The following ELFN2 variants were observed in gnomAD, a reference collection of about 807,000 sequenced individuals.
ELFN2 encodes extracellular leucine rich repeat and fibronectin type III domain containing 2.
ELFN2 carries 17 observed loss-of-function variants against 45.5 expected under a neutral mutation model. The observed-to-expected ratio is 0.37, with a 90% CI of 0.26 to 0.56. The LOEUF (loss-of-function observed/expected upper bound fraction) is 0.56. Ranked by LOEUF, ELFN2 falls within the 20% of genes least tolerant of loss-of-function variation. ELFN2 has a pLI of 0.77. For synonymous variants in ELFN2, 550 were observed against 551.5 expected (o/e 1.00, Z 0.04); for missense variants, 922 against 1,183.2 (o/e 0.78, Z 3.24).
chr22:37,344,555 C>G, intron 1 of ELFN2, among the ~76,000 whole-genome samples: 1 of 152,038 alleles, frequency 6.6e-6, no homozygotes, highest in Non-Finnish European at 1.5e-5. Flanking sequence ...GTGCCAGCCT[C>G]GAGTCTTGGG....
Position 37,375,840 on chromosome 22 carries a change from CCT to C in ELFN2, c.-308_-307del. 7 of 381,954 alleles carry C rather than the reference CCT, an allele frequency of 1.8e-5. No individual in the cohort carries two copies. The highest frequency in any genetic ancestry group is 4.4e-5 in the South Asian group (1 of 22,786). The allele number at this position is 381,954 out of a possible 1,614,324, so 23.7% of individuals were successfully genotyped here. On this transcript the variant is annotated 5_prime_UTR_variant, in exon 3 of 3. Transcript: ENST00000402918. ...TCTCAGGGCTTGACTTCCTCTCCCTCCTCCTCCTCCTCCTCCTCCTCCTCCTC... is the reference window on the plus strand; with the variant it reads ...TCTCAGGGCTTGACTTCCTCTCCCTCCCTCCTCCTCCTCCTCCTCCTCCTC...
In ELFN2 at chr22:37,427,291, C is replaced by CACTT. The variant is rs1367874062; in HGVS notation, c.-614+3_-614+6dup. On this transcript the variant is annotated splice_region_variant and intron_variant, in intron 1 of 2. Coordinates refer to ENST00000402918, the MANE Select transcript of ELFN2 (RefSeq NM_052906.5). ...CGCGGCGCTCGGATCCAGAGGAATT[C>CACTT]ACTTACCCCAGCCCCAGCCGGGATC... is the stretch of plus-strand genomic sequence containing the variant. 1 of 152,372 alleles carries CACTT rather than the reference C, an allele frequency of 6.6e-6. No individual in the cohort carries two copies. Among genetic ancestry groups the CACTT allele is most frequent in the African/African-American group, 2.4e-5 (1 of 41,418 alleles). 9.4% of individuals were successfully genotyped at this position (152,372 alleles called of 1,614,324 possible).
chr22:37,423,204 G>A (rs1932823341), intron 1 of ELFN2, among the ~76,000 whole-genome samples: 1 of 152,192 alleles, frequency 6.6e-6, no homozygotes, highest in African/African-American at 2.4e-5. Flanking sequence ...GGCTGCCTTT[G>A]GGGGTGTCCC....
At chr22:37,342,080 C>T (rs1930571425) in intron 2 of ELFN2, among the ~76,000 whole-genome samples, 1 of 152,160 alleles carries the variant, frequency 6.6e-6, no homozygotes, top group Non-Finnish European at 1.5e-5. Context: ...TGCCTCCCAA[C>T]AACCGCCACA....
chr22:37,373,775 G>A lies in ELFN2; in HGVS notation c.1760C>T (p.Ala587Val). 3 of 1,589,630 alleles carry A rather than the reference G, an allele frequency of 1.9e-6. No homozygotes were observed. Among genetic ancestry groups the A allele is most frequent in the Non-Finnish European group, 1.7e-6 (2 of 1,172,498 alleles). The change falls in exon 3 of 3, where the codon GCC (alanine) becomes GTC (valine). Residue 587 changes from alanine to valine, a missense_variant. Coordinates refer to ENST00000402918, the MANE Select transcript of ELFN2 (RefSeq NM_052906.5). ...GGCCCCGGGGCCAGTGGCTGAGGAG[G>A]CGGCAGCAGCTGCAGGGAGGGACTG... ...ECQSLPAAAA[A>V]SSATGPGALE...
intron 2 of ELFN2, among the ~76,000 whole-genome samples, chr22:37,385,638 G>C (rs1931927671): frequency 6.6e-6 from 1 of 152,198 alleles, no homozygotes; most frequent in South Asian, 2.1e-4. Flanking sequence ...CAGCAACAAG[G>C]GGGGAACCCC....
rs889325040 is a variant in ELFN2, at chr22:37,417,092, G to A, written c.-463+677C>T. Among the ~76,000 whole-genome samples, 6 of 151,660 alleles carry A rather than the reference G, an allele frequency of 4.0e-5. No individual in the cohort carries two copies. Among genetic ancestry groups the A allele is most frequent in the African/African-American group, 9.7e-5 (4 of 41,240 alleles). On this transcript the variant is annotated intron_variant, in intron 2 of 2. Coordinates refer to ENST00000402918, the MANE Select transcript of ELFN2 (RefSeq NM_052906.5). The surrounding 1 kb of genome is among the most constrained non-coding windows in gnomAD (Gnocchi z 4.5). ...GGACAACAGCTCCCTCCACGTGGCC[G>A]CCACCAACACAGCCTCGGTGACAGC... is the stretch of plus-strand genomic sequence containing the variant.
intron 1 of ELFN2, among the ~76,000 whole-genome samples, chr22:37,349,643 G>A (rs1386268859): frequency 6.6e-6 from 1 of 150,942 alleles, no homozygotes; most frequent in African/African-American, 2.4e-5. Context: ...GCACTGGGTG[G>A]TGGGGTGGGG....
chr22:37,378,768 G>GCTGC (rs2145641864), intron 2 of ELFN2, among the ~76,000 whole-genome samples: 1 of 152,358 alleles, frequency 6.6e-6, no homozygotes, highest in South Asian at 2.1e-4. Context: ...CCCATCCCGG[G>GCTGC]CTGCCTGCCT....
At chr22:37,381,281 C>T (rs923844453) in intron 2 of ELFN2, among the ~76,000 whole-genome samples, 14 of 151,378 alleles carry the variant, frequency 9.2e-5, no homozygotes, top group African/African-American at 2.4e-4. Flanking sequence ...ATGGCAGGGG[C>T]GGGACATGCA....
intron 1 of ELFN2, among the ~76,000 whole-genome samples, chr22:37,356,247 C>G (rs1930947373): frequency 6.6e-6 from 1 of 152,156 alleles, no homozygotes; most frequent in Non-Finnish European, 1.5e-5. Flanking sequence ...TGCCCCTGGG[C>G]TCTACCAGCT....
At chr22:37,344,645 C>G (rs1601729436) in intron 1 of ELFN2, among the ~76,000 whole-genome samples, 1 of 152,146 alleles carries the variant, frequency 6.6e-6, no homozygotes, top group South Asian at 2.1e-4. Flanking sequence ...TGTGGCCACA[C>G]TGTCTCTACC....
rs1189535172 is a variant in ELFN2 at position 37,374,047 on chromosome 22, T to C, written c.1488A>G (p.Val496=). Residue 496 remains valine, a synonymous_variant, in exon 3 of 3, where the codon GTA becomes GTG. Transcript: ENST00000402918. The stretch of plus-strand genomic sequence containing the variant: ...CCTCGATATAGTTGCCTTTGGTGGC[T>C]ACCTTGGGTGTGTCCAGCCCGGCCT... ...GLEAGLDTPK[V]ATKGNYIEVR... is the part of the protein sequence containing the mutation. 1.8e-5 allele frequency: 29 copies of C among 1,613,086 alleles called. No individual in the cohort carries two copies. The East Asian group carries it at 6.5e-4, about 36-fold the overall frequency.
intron 1 of ELFN2, among the ~76,000 whole-genome samples, chr22:37,358,258 C>A (rs1166378650): frequency 6.6e-6 from 1 of 152,170 alleles, no homozygotes; most frequent in Non-Finnish European, 1.5e-5. Flanking sequence ...GTTCAAATCC[C>A]CCCCAGTCTC....
At chr22:37,386,620 C>CG (rs972131067) in intron 2 of ELFN2, among the ~76,000 whole-genome samples, 3 of 152,296 alleles carry the variant, frequency 2.0e-5, no homozygotes, top group African/African-American at 4.8e-5. Flanking sequence ...TCTGAGGCTA[C>CG]GGGGGGCCTG....
rs955186103 is a variant in ELFN2 at position 37,417,616 on chromosome 22, G to T, written c.-463+153C>A. ...CCTGTGGAAGGAAAGCTGGGTGGGA[G>T]GGGTGCCCACGGCTGGGGGCAGGGG... On this transcript the variant is annotated intron_variant, in intron 2 of 2. Transcript: ENST00000402918. This position sits in a 1 kb window ranked among gnomAD's most constrained non-coding sequence, Gnocchi z 4.5. Among the ~76,000 whole-genome samples, 1 of 152,246 alleles carries T rather than the reference G, an allele frequency of 6.6e-6. No individual in the cohort carries two copies. The highest frequency in any genetic ancestry group is 2.4e-5 in the African/African-American group (1 of 41,476).
intron 2 of ELFN2, among the ~76,000 whole-genome samples, chr22:37,416,947 C>T (rs1932765336): frequency 6.6e-6 from 1 of 152,174 alleles, no homozygotes; most frequent in Non-Finnish European, 1.5e-5. Context: ...CCTTAGCAAC[C>T]ACCAACACTG....
intron 1 of ELFN2, among the ~76,000 whole-genome samples, chr22:37,359,063 G>A (rs1318986151): frequency 2.6e-5 from 4 of 152,244 alleles, no homozygotes; most frequent in South Asian, 2.1e-4. Flanking sequence ...TGGGGCTTGG[G>A]GGAGTGCACT....
In ELFN2 at chr22:37,417,584, C is replaced by G. The variant is rs1932774695; in HGVS notation, c.-463+185G>C. Among the ~76,000 whole-genome samples, 1 of 152,210 alleles carries G rather than the reference C, an allele frequency of 6.6e-6. No individual in the cohort carries two copies. Among genetic ancestry groups the G allele is most frequent in the African/African-American group, 2.4e-5 (1 of 41,466 alleles). Reference sequence around the variant, plus strand: ...AGGCCTGCCGCTCTGCAGGCCGCCTCATAGGCCCTGTGGAAGGAAAGCTGG... The same window carrying G: ...AGGCCTGCCGCTCTGCAGGCCGCCTGATAGGCCCTGTGGAAGGAAAGCTGG... On this transcript the variant is annotated intron_variant, in intron 2 of 2. Coordinates refer to ENST00000402918, the MANE Select transcript of ELFN2 (RefSeq NM_052906.5). This position sits in a 1 kb window ranked among gnomAD's most constrained non-coding sequence, Gnocchi z 4.5.
Sources: allele counts gnomAD v4.1 joint callset (sites outside exome capture counted in the v4.1 genomes callset), GRCh38; gene constraint gnomAD v4.1.1; non-coding constraint Gnocchi (gnomAD v3.1); transcripts MANE v1.5; gene names NCBI Gene and HGNC (gene_info 2026-07-23, HGNC 2026-07-21).